Variants in TMC5 observed in about 807,000 individuals in gnomAD.
TMC5 encodes transmembrane channel-like protein 5.
TMC5 carries 86 observed loss-of-function variants against 110.5 expected under a neutral mutation model. The ratio of observed to expected loss-of-function variants is 0.78; its 90% CI spans 0.65 to 0.93. TMC5 has a LOEUF of 0.93. Among genes scored for constraint, TMC5 ranks in the 40% least tolerant of loss-of-function variants. The probability of loss-of-function intolerance (pLI) is 0.00; values close to 1 mark genes in which losing one functional copy is unlikely to be tolerated. For missense variants in TMC5, 1,144 were observed against 1,222.8 expected (o/e 0.94, Z 0.96); for synonymous variants, 455 against 439.5 (o/e 1.04, Z -0.44).
intron 1 of TMC5, among the ~76,000 whole-genome samples, chr16:19,421,718 T>A (rs965240698): frequency 6.6e-6 from 1 of 152,180 alleles, no homozygotes; most frequent in Non-Finnish European, 1.5e-5. Context: ...CCAAGCTTGA[T>A]GTCATACTTA....
At chr16:19,490,188 G>A (rs1294206880) in intron 17 of TMC5, among the ~76,000 whole-genome samples, 1 of 152,086 alleles carries the variant, frequency 6.6e-6, no homozygotes, top group African/African-American at 2.4e-5. Context: ...GCTGCTGTTG[G>A]GTCAGCTCTG....
Position 19,440,440 on chromosome 16 carries a change from T to TAC in TMC5, c.402_403insAC (p.Pro135ThrfsTer26). On this transcript the variant is annotated frameshift_variant, in exon 3 of 22. Coordinates refer to ENST00000542583, the MANE Select transcript of TMC5 (RefSeq NM_001261841.2). LOFTEE classifies it high-confidence loss of function. The stretch of plus-strand genomic sequence containing the variant: ...CAGACTACCCTGGATCTCAACGAAA[T>TAC]CCTGATTTTGCAGGCTCCAGCAGCA... 2 of 1,613,824 alleles carry TAC rather than the reference T, an allele frequency of 1.2e-6. No homozygotes were observed. Among genetic ancestry groups the TAC allele is most frequent in the South Asian group, 2.2e-5 (2 of 91,036 alleles).
chr16:19,445,543 A>C (rs1447113377), intron 4 of TMC5, among the ~76,000 whole-genome samples: 1 of 151,992 alleles, frequency 6.6e-6, no homozygotes, highest in African/African-American at 2.4e-5. Context: ...CCAATTCTGA[A>C]CAGTTCTTAC....
intron 12 of TMC5, 41 bp downstream of exon 12, chr16:19,474,317 C>A: frequency 6.3e-7 from 1 of 1,596,786 alleles, no homozygotes; most frequent in South Asian, 1.1e-5. Context: ...TCTATTTCCA[C>A]AGAGAGAAGT....
intron 3 of TMC5, among the ~76,000 whole-genome samples, 191 bp downstream of exon 3, chr16:19,441,017 A>G (rs1283112004): frequency 6.6e-6 from 1 of 152,176 alleles, no homozygotes; most frequent in Non-Finnish European, 1.5e-5. Flanking sequence ...TGAGGCTTCA[A>G]GCCCTTACTT....
In TMC5 at chr16:19,463,774, A is replaced by C; in HGVS notation, c.1237-2A>C. Reference sequence around the variant, plus strand: ...CACACCTGCTTTGAATCCTGATTCCAGGCTTATCGGAGATCCAAGAACAGC... The same window carrying C: ...CACACCTGCTTTGAATCCTGATTCCCGGCTTATCGGAGATCCAAGAACAGC... On this transcript the variant is annotated splice_acceptor_variant, in intron 7 of 21. Coordinates refer to ENST00000542583, the MANE Select transcript of TMC5 (RefSeq NM_001261841.2). LOFTEE classifies it high-confidence loss of function. The C allele has an allele frequency of 6.2e-7, 1 of 1,613,282 alleles. No individual in the cohort carries two copies. The highest frequency in any genetic ancestry group is 1.1e-5 in the South Asian group (1 of 91,016).
chr16:19,498,441 G>T lies in TMC5; in HGVS notation c.*475G>T. 6.2e-6 allele frequency: 1 copy of T among 160,162 alleles called. No individual in the cohort carries two copies. Among genetic ancestry groups the T allele is most frequent in the Non-Finnish European group, 1.4e-5 (1 of 73,746 alleles). 9.9% of individuals were successfully genotyped at this position (160,162 alleles called of 1,614,324 possible). ...TGAATTGTAGAACCTGCATTTATTTGTGACTTTGAACTAAAGACATCCCCC... is the reference window on the plus strand; with the variant it reads ...TGAATTGTAGAACCTGCATTTATTTTTGACTTTGAACTAAAGACATCCCCC... On this transcript the variant is annotated 3_prime_UTR_variant, in exon 22 of 22. Transcript: ENST00000542583.
intron 15 of TMC5, among the ~76,000 whole-genome samples, chr16:19,481,788 A>G (rs12928241): frequency 0.12 from 17,727 of 152,122 alleles, 1,368 homozygotes; most frequent in East Asian, 0.37. Flanking sequence ...TCTCCCCTCA[A>G]ATTCATATGT....
At chr16:19,412,697 T>C (rs1966858945) in intron 1 of TMC5, among the ~76,000 whole-genome samples, 1 of 152,104 alleles carries the variant, frequency 6.6e-6, no homozygotes, top group Admixed American at 6.5e-5. Context: ...GGATTAAAGA[T>C]GAAACACTCG....
intron 18 of TMC5, among the ~76,000 whole-genome samples, chr16:19,491,692 C>T (rs190260745): frequency 5.9e-5 from 9 of 152,024 alleles, no homozygotes; most frequent in East Asian, 1.9e-4. Flanking sequence ...CCCACCACCA[C>T]GCCCAGCTAA....
At chr16:19,423,523 A>T (rs111507614) in intron 1 of TMC5, among the ~76,000 whole-genome samples, 14 of 152,030 alleles carry the variant, frequency 9.2e-5, no homozygotes, top group African/African-American at 3.1e-4. Context: ...GCATTTCCCC[A>T]CTTCTAAAAA....
In TMC5 at chr16:19,487,333, G is replaced by A; in HGVS notation, c.2573+7G>A. ...TGGCCATCACCATCTGGAGGTAGGA[G>A]AAGGTGGCCTTGGGGGAGGTTTTAG... On this transcript the variant is annotated splice_region_variant and intron_variant, in intron 17 of 21. Coordinates refer to ENST00000542583, the MANE Select transcript of TMC5 (RefSeq NM_001261841.2). The A allele has an allele frequency of 1.9e-6, 3 of 1,610,790 alleles. No homozygotes were observed. Among genetic ancestry groups the A allele is most frequent in the Non-Finnish European group, 2.5e-6 (3 of 1,178,856 alleles).
intron 1 of TMC5, among the ~76,000 whole-genome samples, chr16:19,412,232 G>A (rs1159473520): frequency 3.3e-5 from 5 of 151,664 alleles, no homozygotes; most frequent in Non-Finnish European, 7.4e-5. Context: ...CACCATGCCT[G>A]GCTAATTTTT....
At chr16:19,424,531 C>G (rs546397986) in intron 1 of TMC5, among the ~76,000 whole-genome samples, 1 of 152,188 alleles carries the variant, frequency 6.6e-6, no homozygotes, top group South Asian at 2.1e-4. Flanking sequence ...CCCCTGTAAT[C>G]CCAGCTACTA....
chr16:19,450,303 A>G (rs1400906047), intron 5 of TMC5, among the ~76,000 whole-genome samples: 5 of 152,204 alleles, frequency 3.3e-5, no homozygotes, highest in African/African-American at 9.7e-5. Context: ...TAAAGAAATG[A>G]AAGTAGAAGT....
At chr16:19,429,584 A>T (rs867588407) in intron 1 of TMC5, among the ~76,000 whole-genome samples, 1 of 152,078 alleles carries the variant, frequency 6.6e-6, no homozygotes, top group Non-Finnish European at 1.5e-5. Context: ...TCTGGCAACC[A>T]CTCGTCCATG....
chr16:19,473,476 A>G (rs1311345657), intron 11 of TMC5, among the ~76,000 whole-genome samples: 3 of 151,738 alleles, frequency 2.0e-5, no homozygotes, highest in Non-Finnish European at 4.4e-5. Context: ...CACTTATGCT[A>G]AACAGGAGGG....
chr16:19,480,931 T>C (rs530439065), intron 14 of TMC5, among the ~76,000 whole-genome samples: 5 of 152,110 alleles, frequency 3.3e-5, no homozygotes, highest in Admixed American at 2.0e-4. Context: ...GGAAACTTGG[T>C]TTCCTTCTTG....
At chr16:19,420,327 C>T (rs1966955877) in intron 1 of TMC5, among the ~76,000 whole-genome samples, 1 of 151,956 alleles carries the variant, frequency 6.6e-6, no homozygotes, top group South Asian at 2.1e-4. Flanking sequence ...ACTGGAGAGG[C>T]TGAAGCAAGG....
Sources: allele counts gnomAD v4.1 joint callset (sites outside exome capture counted in the v4.1 genomes callset), GRCh38; gene constraint gnomAD v4.1.1; transcripts MANE v1.5; gene names NCBI Gene and HGNC (gene_info 2026-07-23, HGNC 2026-07-21).